Variants in CSMD1 observed in about 807,000 individuals in gnomAD.
CSMD1 encodes CUB and sushi domain-containing protein 1.
Under a neutral mutation model 417.5 loss-of-function variants are expected in CSMD1, and 213 were observed. That is an observed-to-expected ratio of 0.51 (90% confidence interval 0.46 to 0.57). The LOEUF is 0.57. Among genes scored for constraint, CSMD1 ranks in the 20% least tolerant of loss-of-function variants. The pLI, the probability that CSMD1 is intolerant of heterozygous loss-of-function variation, is 0.00. For synonymous variants in CSMD1, 2,862 were observed against 1,736.8 expected (o/e 1.65, Z -16.11); for missense variants, 6,923 against 4,529.7 (o/e 1.53, Z -15.17).
chr8:4,094,479 G>C (rs185703163), intron 3 of CSMD1, among the ~76,000 whole-genome samples: 3 of 152,294 alleles, frequency 2.0e-5, no homozygotes, highest in African/African-American at 7.2e-5. Context: ...ATGATGCCTG[G>C]ATTAACGCTG....
intron 1 of CSMD1, among the ~76,000 whole-genome samples, chr8:4,763,243 T>C (rs1370921927): frequency 6.6e-6 from 1 of 152,228 alleles, no homozygotes; most frequent in Non-Finnish European, 1.5e-5. Flanking sequence ...GAAAACTCTT[T>C]TGGACAAAGG....
At chr8:4,910,857 A>T (rs1805619833) in intron 1 of CSMD1, among the ~76,000 whole-genome samples, 1 of 152,176 alleles carries the variant, frequency 6.6e-6, no homozygotes, top group African/African-American at 2.4e-5. Flanking sequence ...CTGTGTCCCC[A>T]CCCAAATCTC....
At chr8:3,866,151 C>T (rs1028195939) in intron 5 of CSMD1, among the ~76,000 whole-genome samples, 2 of 152,198 alleles carry the variant, frequency 1.3e-5, no homozygotes, top group Non-Finnish European at 2.9e-5. Context: ...GAAGATATAA[C>T]ATTAAGGTTT....
chr8:3,665,214 T>A (rs1563249596), intron 7 of CSMD1, among the ~76,000 whole-genome samples: 1 of 152,154 alleles, frequency 6.6e-6, no homozygotes, highest in Non-Finnish European at 1.5e-5. Context: ...GATATATTGT[T>A]TTGCTAAATA....
chr8:4,005,046 C>G (rs1211822773), intron 4 of CSMD1, among the ~76,000 whole-genome samples: 1 of 152,150 alleles, frequency 6.6e-6, no homozygotes, highest in Non-Finnish European at 1.5e-5. Flanking sequence ...AATGGAAAAC[C>G]AAACATCCTA....
chr8:3,863,126 G>T (rs552921507), intron 5 of CSMD1, among the ~76,000 whole-genome samples: 4 of 152,072 alleles, frequency 2.6e-5, no homozygotes, highest in African/African-American at 9.7e-5. Context: ...GGTCGGGCGC[G>T]GTGGCTAATG....
chr8:3,408,068 C>G lies in CSMD1; in HGVS notation c.1902G>C (p.Gln634His). Residue 634 changes from glutamine to histidine, a missense_variant, in exon 14 of 70, where the codon CAG becomes CAC. Coordinates refer to ENST00000635120, the MANE Select transcript of CSMD1 (RefSeq NM_033225.6). ...CATCCTTGACCGCGAGAAAGTCAAA[C>G]TGAGGCTCAACATCAAAATCATTAA... ...LIFNDFDVEP[Q>H]FDFLAVKDDG... 6.2e-7 allele frequency: 1 copy of G among 1,613,512 alleles called. No individual in the cohort carries two copies.
intron 6 of CSMD1, among the ~76,000 whole-genome samples, chr8:3,740,859 G>C (rs1192357685): frequency 2.0e-5 from 3 of 152,236 alleles, no homozygotes; most frequent in East Asian, 1.9e-4. Flanking sequence ...GTATAGCAGA[G>C]AGGATGAGGC....
At chr8:3,973,652 C>G (rs1265324857) in intron 5 of CSMD1, among the ~76,000 whole-genome samples, 1 of 152,148 alleles carries the variant, frequency 6.6e-6, no homozygotes, top group African/African-American at 2.4e-5. Context: ...TTTACTCCCT[C>G]AAGTACCTCA....
Position 4,442,352 on chromosome 8 carries a change from T to C in CSMD1, c.303-22287A>G, listed in dbSNP as rs534494859. Among the ~76,000 whole-genome samples the C allele has an allele frequency of 2.2e-3, 341 of 152,294 alleles. 5 individuals are homozygous for C. Among genetic ancestry groups the C allele is most frequent in the Middle Eastern group, 0.014 (4 of 294 alleles). On this transcript the variant is annotated intron_variant, in intron 2 of 69. Coordinates refer to ENST00000635120, the MANE Select transcript of CSMD1 (RefSeq NM_033225.6). ...GAAGTTCTCCTTCCAAACTATCCCA[T>C]TCCCACACGTTTGCCTAGAGATTTC...
intron 3 of CSMD1, among the ~76,000 whole-genome samples, chr8:4,075,528 C>CA (rs1799776114): frequency 6.6e-6 from 1 of 152,106 alleles, no homozygotes; most frequent in South Asian, 2.1e-4. Flanking sequence ...CTAAAAATGT[C>CA]AGATATCCCC....
chr8:3,539,763 T>A (rs1466436180), intron 10 of CSMD1, among the ~76,000 whole-genome samples: 253 of 129,450 alleles, frequency 2.0e-3, no homozygotes, highest in Middle Eastern at 4.1e-3. Flanking sequence ...TTCTTTATGA[T>A]AAAAAAAAAA....
rs537383404 is a variant in CSMD1 at position 4,080,163 on chromosome 8, G to A, written c.416-48064C>T. Among the ~76,000 whole-genome samples the A allele has an allele frequency of 4.6e-5, 7 of 152,132 alleles. 2 individuals are homozygous for A. In the South Asian group the frequency reaches 1.5e-3, roughly 32 times the overall value. On this transcript the variant is annotated intron_variant, in intron 3 of 69. Coordinates refer to ENST00000635120, the MANE Select transcript of CSMD1 (RefSeq NM_033225.6). ...GCTCAGTTTGCAATTTACAAGCCAT[G>A]CATTTCTATGAATCTTTACTTGGGT... is the stretch of plus-strand genomic sequence containing the variant.
At chr8:3,005,777 T>C (rs1563228966) in intron 52 of CSMD1, among the ~76,000 whole-genome samples, 1 of 152,224 alleles carries the variant, frequency 6.6e-6, no homozygotes, top group African/African-American at 2.4e-5. Flanking sequence ...TATCTCAAAA[T>C]AATAAGAGCT....
intron 14 of CSMD1, 117 bp downstream of exon 14, chr8:3,407,782 G>T (rs1234393323): frequency 3.2e-5 from 28 of 870,782 alleles, no homozygotes; most frequent in Non-Finnish European, 4.4e-5. Context: ...TTTTCATAAT[G>T]ATTATAAAAC....
chr8:4,782,808 A>C (rs545065445), intron 1 of CSMD1, among the ~76,000 whole-genome samples: 1 of 152,148 alleles, frequency 6.6e-6, no homozygotes, highest in African/African-American at 2.4e-5. Flanking sequence ...CTATTTTCAC[A>C]TGGTCCACCA....
chr8:3,417,029 A>G lies in CSMD1; in HGVS notation c.1562-7424T>C, dbSNP rs1259969116. Reference sequence around the variant, plus strand: ...CTGATATCCCTGAATTTTAGTGAGAATGATTTACCAAGAGTTTAAATCACA... The same window carrying G: ...CTGATATCCCTGAATTTTAGTGAGAGTGATTTACCAAGAGTTTAAATCACA... On this transcript the variant is annotated intron_variant, in intron 12 of 69. Coordinates refer to ENST00000635120, the MANE Select transcript of CSMD1 (RefSeq NM_033225.6). 3.3e-5 allele frequency among the ~76,000 whole-genome samples: 5 copies of G among 152,328 alleles called. No homozygotes were observed. The East Asian group carries it at 9.6e-4, about 29-fold the overall frequency.
chr8:3,631,396 G>C (rs897086264), intron 7 of CSMD1, among the ~76,000 whole-genome samples: 1 of 152,196 alleles, frequency 6.6e-6, no homozygotes, highest in Non-Finnish European at 1.5e-5. Context: ...GACTGGAGTA[G>C]CAAAGAAGCC....
chr8:3,680,956 G>A (rs536598501), intron 7 of CSMD1, among the ~76,000 whole-genome samples: 6 of 152,296 alleles, frequency 3.9e-5, no homozygotes, highest in African/African-American at 1.2e-4. Flanking sequence ...TATCTCAACA[G>A]ATGCAGAAAA....
Sources: gnomAD v4.1 joint callset for allele counts (sites outside exome capture counted in the v4.1 genomes callset) on GRCh38, gnomAD v4.1.1 for gene constraint, MANE v1.5 for transcripts, NCBI Gene and HGNC (gene_info 2026-07-23, HGNC 2026-07-21) for gene names.